The following ARAF variants were observed in gnomAD, a reference collection of about 807,000 sequenced individuals.
The protein encoded by ARAF is serine/threonine-protein kinase A-Raf.
Under a neutral mutation model 48.0 loss-of-function variants are expected in ARAF, and 18 were observed. The observed-to-expected ratio is 0.37, with a 90% CI of 0.26 to 0.56. The LOEUF is 0.56. Among genes scored for constraint, ARAF ranks in the 20% least tolerant of loss-of-function variants. ARAF has a pLI of 0.77. For synonymous variants in ARAF, 207 were observed against 220.1 expected, an observed-to-expected ratio of 0.94 and a Z score of 0.53; for missense variants, 389 against 543.1, an observed-to-expected ratio of 0.72 and a Z score of 2.82.
intron 1 of ARAF, among the ~76,000 whole-genome samples, chrX:47,562,556 C>T (rs1280386931): frequency 9.3e-6 from 1 of 107,555 alleles, no homozygotes; most frequent in African/African-American, 3.4e-5. Context: ...ATGTACCTGA[C>T]GGCTCAGTGC....
intron 11 of ARAF, 23 bp downstream of exon 11, chrX:47,568,917 G>A (rs2057744037): frequency 8.3e-7 from 1 of 1,202,165 alleles, no homozygotes; most frequent in African/African-American, 1.8e-5. Flanking sequence ...GCCTGGGGAG[G>A]GGTGGGGGGA....
chrX:47,563,465 A>C (rs1264933857), intron 3 of ARAF, 136 bp downstream of exon 3: 13 of 517,238 alleles, frequency 2.5e-5, no homozygotes, highest in Non-Finnish European at 4.0e-5. Flanking sequence ...CCTTATCTGC[A>C]GGGTACATGT....
intron 15 of ARAF, 111 bp from the exon 16 acceptor site, chrX:47,571,212 G>GGTGGGTGT (rs1556856973): frequency 5.2e-6 from 3 of 576,015 alleles, no homozygotes; most frequent in African/African-American, 7.7e-5. Flanking sequence ...GGGACTGTTG[G>GGTGGGTGT]GTGTGTGTGT....
At chrX:47,571,172 G>GTGTGTGTA (rs2057755092) in intron 15 of ARAF, 151 bp from the exon 16 acceptor site, 1 of 935,093 alleles carries the variant, frequency 1.1e-6, no homozygotes, top group Non-Finnish European at 1.4e-6. Flanking sequence ...TGTTGGGGGT[G>GTGTGTGTA]TGTGTGTATG....
intron 1 of ARAF, 100 bp from the exon 2 acceptor site, chrX:47,562,792 AAAATTAGGCTGCAGGGG>A (rs1379404684): frequency 9.3e-6 from 4 of 431,432 alleles, no homozygotes; most frequent in Non-Finnish European, 1.6e-5. Flanking sequence ...CTGTCGTGTG[AAAATTAGGCTGCAGGGG>A]GCGACAGGAG....
Position 47,571,487 on chromosome X carries a change from T to C in ARAF, c.*30T>C. ...CGCCCAAGCCACCAGGGAGCCAATC[T>C]CAGCCCTCCACGCCAAGGAGCCTTG... On this transcript the variant is annotated 3_prime_UTR_variant, in exon 16 of 16. Coordinates refer to ENST00000377045, the MANE Select transcript of ARAF (RefSeq NM_001654.5). The C allele has an allele frequency of 8.4e-7, 1 of 1,189,139 alleles. No individual in the cohort carries two copies. Among genetic ancestry groups the C allele is most frequent in the Non-Finnish European group, 1.1e-6 (1 of 885,088 alleles).
chrX:47,567,454 G>C, intron 10 of ARAF, 22 bp downstream of exon 10: 1 of 1,185,860 alleles, frequency 8.4e-7, no homozygotes, highest in Non-Finnish European at 1.1e-6. Context: ...TGTGTGCGTG[G>C]ATGGGGGTGG....
intron 10 of ARAF, among the ~76,000 whole-genome samples, chrX:47,567,930 C>T (rs377037030): frequency 3.6e-5 from 4 of 111,525 alleles, no homozygotes; most frequent in Admixed American, 1.9e-4. Context: ...CAGTATTCAT[C>T]TAGTCACGCT....
intron 1 of ARAF, among the ~76,000 whole-genome samples, 170 bp downstream of exon 1, chrX:47,561,421 TG>T (rs2057707342): frequency 9.1e-6 from 1 of 109,873 alleles, no homozygotes; most frequent in Non-Finnish European, 1.9e-5. Context: ...ACAGCGGGGG[TG>T]GGGTGGGTAA....
In ARAF at chrX:47,567,226, A is replaced by G. The variant is rs1408684943; in HGVS notation, c.874-4A>G. 1 of 1,209,769 alleles carries G rather than the reference A, an allele frequency of 8.3e-7. No individual in the cohort carries two copies. Among genetic ancestry groups the G allele is most frequent in the African/African-American group, 1.8e-5 (1 of 57,098 alleles). ...CTCTTAGATGCCACCCATCTGGCCC[A>G]CAGAAGAACCTGGGGTACCGGGACT... is the stretch of plus-strand genomic sequence containing the variant. On this transcript the variant is annotated splice_region_variant and splice_polypyrimidine_tract_variant and intron_variant, in intron 9 of 15. Coordinates refer to ENST00000377045, the MANE Select transcript of ARAF (RefSeq NM_001654.5).
intron 2 of ARAF, 24 bp downstream of exon 2, chrX:47,563,087 A>G (rs1324690529): frequency 8.5e-7 from 1 of 1,179,224 alleles, no homozygotes; most frequent in Non-Finnish European, 1.1e-6. Flanking sequence ...GCGAAATGGC[A>G]GGGGCTGTGG....
rs2147906446 is a variant in ARAF, at chrX:47,566,989, C to T, written c.731C>T (p.Ala244Val). Reference sequence around the variant, plus strand: ...CACATCCTCTCTGCAACTGCAGCTGCCGGTAGTAGAGGAGGTAGTGATGGA... The same window carrying T: ...CACATCCTCTCTGCAACTGCAGCTGTCGGTAGTAGAGGAGGTAGTGATGGA... ...LTGQSFSTDAAGSRGGSDGTP... is the reference protein window; with the variant it reads ...LTGQSFSTDAVGSRGGSDGTP... Residue 244 changes from alanine to valine, a missense_variant, in exon 9 of 16, where the codon GCC (alanine) becomes GTC (valine). Transcript: ENST00000377045. 1 of 1,211,685 alleles carries T rather than the reference C, an allele frequency of 8.3e-7. No individual in the cohort carries two copies. The highest frequency in any genetic ancestry group is 1.8e-5 in the South Asian group (1 of 57,014).
chrX:47,571,182 G>C (rs1298597068), intron 15 of ARAF, 141 bp from the exon 16 acceptor site: 2 of 980,561 alleles, frequency 2.0e-6, no homozygotes, highest in Admixed American at 6.1e-5. Context: ...GTGTGTGTAT[G>C]TGTGTTTCGC....
chrX:47,568,771 G>A lies in ARAF; in HGVS notation c.1130G>A (p.Gly377Glu). 8.3e-7 allele frequency: 1 copy of A among 1,211,589 alleles called. No homozygotes were observed. Among genetic ancestry groups the A allele is most frequent in the South Asian group, 1.8e-5 (1 of 56,903 alleles). The change falls in exon 11 of 16, where the codon GGA (glycine) becomes GAA (glutamate). Residue 377 changes from glycine (G) to glutamate (E), a missense_variant. Transcript: ENST00000377045. ...LLFMGFMTRP[G>E]FAIITQWCEG... ...TTTATGGGCTTCATGACCCGGCCGG[G>A]ATTTGCCATCATCACACAGTGGTGT...
chrX:47,571,648 C>G lies in ARAF; in HGVS notation c.*191C>G. ...TGGGGGACCCCCGCCAAAGACTGAG[C>G]CCCCTGTCTCCTCCATCATTTGGTT... is the stretch of plus-strand genomic sequence containing the variant. On this transcript the variant is annotated 3_prime_UTR_variant, in exon 16 of 16. Transcript: ENST00000377045. 2 of 559,195 alleles carry G rather than the reference C, an allele frequency of 3.6e-6. No individual in the cohort carries two copies. Among genetic ancestry groups the G allele is most frequent in the Non-Finnish European group, 5.4e-6 (2 of 373,044 alleles). The allele number at this position is 559,195 out of a possible 1,213,427, so 46.1% of individuals were successfully genotyped here. A position where few individuals can be genotyped will look rare whatever the true frequency, so the allele number is the denominator to read the frequency against.
intron 10 of ARAF, 42 bp downstream of exon 10, chrX:47,567,474 C>T: frequency 8.7e-7 from 1 of 1,151,421 alleles, no homozygotes; most frequent in Non-Finnish European, 1.2e-6. Context: ...GCAGGCCCGG[C>T]CTTGGCATCT....
chrX:47,565,612 C>A, intron 6 of ARAF: 1 of 305,919 alleles, frequency 3.3e-6, no homozygotes. Flanking sequence ...AAGACATGTT[C>A]AGTGCCTAGA....
intron 10 of ARAF, among the ~76,000 whole-genome samples, chrX:47,568,477 C>T (rs2057742243): frequency 1.8e-5 from 2 of 110,616 alleles, no homozygotes; most frequent in South Asian, 7.8e-4. Flanking sequence ...CTCCCTCCTG[C>T]TTTTGTTGGG....
intron 14 of ARAF, 95 bp from the exon 15 acceptor site, chrX:47,570,782 TA>T: frequency 2.1e-6 from 2 of 945,487 alleles, no homozygotes; most frequent in Non-Finnish European, 2.9e-6. Flanking sequence ...CCCAGCTCGC[TA>T]AAAATGAACC....
Sources: gnomAD v4.1 joint callset for allele counts (sites outside exome capture counted in the v4.1 genomes callset) on GRCh38, gnomAD v4.1.1 for gene constraint, MANE v1.5 for transcripts, NCBI Gene and HGNC (gene_info 2026-07-23, HGNC 2026-07-21) for gene names.